The following METTL6 variants were observed in gnomAD, a reference collection of about 807,000 sequenced individuals.
The protein encoded by METTL6 is tRNA N(3)-cytidine methyltransferase METTL6.
A neutral mutation model predicts 26.4 loss-of-function variants in METTL6; 22 were observed. That is an observed-to-expected ratio of 0.83 (90% CI 0.59 to 1.19). The LOEUF is 1.19. METTL6 is among the 50% of genes most tolerant of loss of function. METTL6 has a pLI of 0.00. For missense variants in METTL6, 304 were observed against 324.8 expected (o/e 0.94, Z 0.49); for synonymous variants, 109 against 116.2 (o/e 0.94, Z 0.40).
At chr3:15,399,581 T>TGTGTGTGTG (rs1553626233) in intron 6 of METTL6, 2 of 118,916 alleles carry the variant, frequency 1.7e-5, no homozygotes, top group South Asian at 2.7e-4. Context: ...TGTGTGTGTG[T>TGTGTGTGTG]TGGAGGCTGG....
intron 3 of METTL6, among the ~76,000 whole-genome samples, chr3:15,421,076 C>T (rs983502284): frequency 1.3e-5 from 2 of 152,092 alleles, no homozygotes; most frequent in Non-Finnish European, 2.9e-5. Context: ...TAAAGAAGAA[C>T]GGGTGGAAGG....
chr3:15,419,382 C>A (rs1390940586), intron 3 of METTL6, among the ~76,000 whole-genome samples: 2 of 152,178 alleles, frequency 1.3e-5, no homozygotes, highest in African/African-American at 4.8e-5. Flanking sequence ...TGTCTGTTCA[C>A]TGTTTAACTC....
chr3:15,418,691 A>G (rs1435440937), intron 3 of METTL6, among the ~76,000 whole-genome samples: 7 of 152,182 alleles, frequency 4.6e-5, no homozygotes, highest in Non-Finnish European at 8.8e-5. Context: ...TAAAATAACT[A>G]TATAACCAAA....
downstream of METTL6, among the ~76,000 whole-genome samples, chr3:15,405,446 A>G (rs1399244526): frequency 6.6e-6 from 1 of 152,254 alleles, no homozygotes; most frequent in Non-Finnish European, 1.5e-5. Flanking sequence ...CTCTTCAATG[A>G]CAATTAAAAA....
intron 2 of METTL6, among the ~76,000 whole-genome samples, chr3:15,425,821 C>A (rs1319954479): frequency 6.6e-6 from 1 of 152,244 alleles, no homozygotes; most frequent in Non-Finnish European, 1.5e-5. Context: ...CCAGAAACTG[C>A]TAAAACTTTG....
intron 6 of METTL6, among the ~76,000 whole-genome samples, chr3:15,400,997 G>A (rs1409130057): frequency 6.6e-6 from 1 of 151,730 alleles, no homozygotes; most frequent in African/African-American, 2.4e-5. Flanking sequence ...TGAATAGCTG[G>A]GACTACAGTC....
rs1184087536 is a variant in METTL6 at position 15,423,720 on chromosome 3, T to C, written c.360+1235A>G. Among the ~76,000 whole-genome samples the C allele has an allele frequency of 2.0e-5, 3 of 149,540 alleles. No homozygotes were observed. The East Asian group carries it at 6.0e-4, about 30-fold the overall frequency. The stretch of plus-strand genomic sequence containing the variant: ...AGACCTTATCTCTAAAATAAATAAA[T>C]AAACAAATAAACACTAGCTGGGCAC... On this transcript the variant is annotated intron_variant, in intron 3 of 5. Transcript: ENST00000383790.
chr3:15,419,336 C>G (rs765614481), intron 3 of METTL6, among the ~76,000 whole-genome samples: 42 of 152,112 alleles, frequency 2.8e-4, no homozygotes, highest in Non-Finnish European at 5.1e-4. Context: ...ATGGACAACT[C>G]CTACTACAAA....
downstream of METTL6, among the ~76,000 whole-genome samples, chr3:15,405,377 T>G (rs367684477): frequency 4.7e-4 from 72 of 152,304 alleles, no homozygotes; most frequent in African/African-American, 1.7e-3. Flanking sequence ...AGGCCAAAAT[T>G]GATCTTATGA....
intron 6 of METTL6, among the ~76,000 whole-genome samples, chr3:15,398,818 T>C (rs989399818): frequency 6.6e-6 from 1 of 152,100 alleles, no homozygotes; most frequent in East Asian, 1.9e-4. Flanking sequence ...TCAGAGGTGT[T>C]TGAACCACAG....
chr3:15,423,376 G>C (rs541869803), intron 3 of METTL6, among the ~76,000 whole-genome samples: 1 of 152,346 alleles, frequency 6.6e-6, no homozygotes, highest in East Asian at 1.9e-4. Context: ...CTAGGCGACA[G>C]AGCGAGACTC....
intron 5 of METTL6, 43 bp downstream of exon 5, chr3:15,413,978 A>T: frequency 6.2e-7 from 1 of 1,613,018 alleles, no homozygotes; most frequent in Non-Finnish European, 8.5e-7. Flanking sequence ...ATAAACAGAA[A>T]CAAAGAATAA....
downstream of METTL6, among the ~76,000 whole-genome samples, chr3:15,404,803 C>T (rs2124941500): frequency 6.6e-6 from 1 of 152,268 alleles, no homozygotes; most frequent in South Asian, 2.1e-4. Flanking sequence ...CCTCAGCTTC[C>T]CAAGTAGCTG....
At chr3:15,397,562 G>C (rs962840147) in intron 6 of METTL6, among the ~76,000 whole-genome samples, 7 of 152,228 alleles carry the variant, frequency 4.6e-5, no homozygotes, top group African/African-American at 1.7e-4. Context: ...GAAATCATTC[G>C]TCTTCTGTGT....
At chr3:15,419,865 T>C (rs1328970775) in intron 3 of METTL6, among the ~76,000 whole-genome samples, 1 of 149,514 alleles carries the variant, frequency 6.7e-6, no homozygotes, top group Non-Finnish European at 1.5e-5. Context: ...GTTTTTCTTT[T>C]TTTTTTTTTT....
At chr3:15,422,151 C>T (rs140579378) in intron 3 of METTL6, among the ~76,000 whole-genome samples, 1 of 149,402 alleles carries the variant, frequency 6.7e-6, no homozygotes, top group African/African-American at 2.5e-5. Flanking sequence ...CGTAGTGAGA[C>T]CCGTCTCTAC....
intron 6 of METTL6, among the ~76,000 whole-genome samples, chr3:15,397,308 G>A (rs1022209637): frequency 1.3e-5 from 2 of 152,236 alleles, no homozygotes; most frequent in Non-Finnish European, 2.9e-5. Context: ...ATCTCCTGGT[G>A]TGCCGTTTGC....
chr3:15,422,054 G>A (rs889274397), intron 3 of METTL6, among the ~76,000 whole-genome samples: 3 of 152,204 alleles, frequency 2.0e-5, no homozygotes, highest in Non-Finnish European at 2.9e-5. Flanking sequence ...CACTTTGGGA[G>A]GCAGAGGTGG....
intron 6 of METTL6, among the ~76,000 whole-genome samples, chr3:15,388,353 C>A (rs951654505): frequency 6.6e-6 from 1 of 152,090 alleles, no homozygotes; most frequent in Non-Finnish European, 1.5e-5. Context: ...TCAAGTGATT[C>A]GCCCGCCTCG....
Sources: gnomAD v4.1 joint callset for allele counts (sites outside exome capture counted in the v4.1 genomes callset) on GRCh38, gnomAD v4.1.1 for gene constraint, MANE v1.5 for transcripts, NCBI Gene and HGNC (gene_info 2026-07-23, HGNC 2026-07-21) for gene names.